PIK3C2A: variants seen among roughly 807,000 people sequenced by gnomAD.
The protein encoded by PIK3C2A is phosphatidylinositol 4-phosphate 3-kinase C2 domain-containing subunit alpha.
A neutral mutation model predicts 204.5 loss-of-function variants in PIK3C2A; 97 were observed. The observed-to-expected ratio is 0.47, with a 90% CI of 0.40 to 0.56. The LOEUF (loss-of-function observed/expected upper bound fraction) is 0.56. PIK3C2A is among the 20% of genes least tolerant of loss of function. The pLI, the probability that PIK3C2A is intolerant of heterozygous loss-of-function variation, is 0.00. For missense variants in PIK3C2A, 1,735 were observed against 1,969.2 expected (o/e 0.88, Z 2.25); for synonymous variants, 653 against 664.4 (o/e 0.98, Z 0.26).
chr11:17,140,267 AAAC>A (rs920871310), intron 8 of PIK3C2A, among the ~76,000 whole-genome samples: 28 of 152,130 alleles, frequency 1.8e-4, no homozygotes, highest in African/African-American at 6.8e-4. Flanking sequence ...AAGATAAAAT[AAAC>A]AACAATAAAA....
intron 2 of PIK3C2A, among the ~76,000 whole-genome samples, chr11:17,164,877 C>T (rs1183241895): frequency 6.6e-6 from 1 of 152,060 alleles, no homozygotes; most frequent in Admixed American, 6.6e-5. Flanking sequence ...CATTATTCCT[C>T]CAAGATACTT....
intron 1 of PIK3C2A, among the ~76,000 whole-genome samples, chr11:17,200,452 T>C (rs1005449283): frequency 7.2e-5 from 11 of 152,200 alleles, no homozygotes; most frequent in Non-Finnish European, 1.3e-4. Flanking sequence ...AGACATGTTA[T>C]TGAATCTCAA....
chr11:17,125,816 T>TA (rs909457282), intron 13 of PIK3C2A, among the ~76,000 whole-genome samples: 1 of 151,748 alleles, frequency 6.6e-6, no homozygotes, highest in African/African-American at 2.4e-5. Flanking sequence ...AGATTTTCTA[T>TA]AAAAAAAACT....
intron 14 of PIK3C2A, 84 bp from the exon 15 acceptor site, chr11:17,122,417 T>C (rs2137350224): frequency 1.2e-6 from 1 of 823,186 alleles, no homozygotes; most frequent in Middle Eastern, 3.7e-4. Flanking sequence ...AACAGATTTT[T>C]CTTAGCAATC....
chr11:17,095,558 T>C (rs1472672963), intron 27 of PIK3C2A, among the ~76,000 whole-genome samples: 2 of 150,826 alleles, frequency 1.3e-5, no homozygotes, highest in African/African-American at 4.9e-5. Context: ...ACCTCTGCAC[T>C]CCAGCCTGGG....
At chr11:17,112,101 G>A (rs1849022399) in intron 21 of PIK3C2A, among the ~76,000 whole-genome samples, 1 of 151,962 alleles carries the variant, frequency 6.6e-6, no homozygotes, top group Non-Finnish European at 1.5e-5. Flanking sequence ...CCAACTCATT[G>A]AATTAAACTA....
At chr11:17,195,749 A>AGAAAAGAAAAG in intron 1 of PIK3C2A, among the ~76,000 whole-genome samples, 1 of 148,952 alleles carries the variant, frequency 6.7e-6, no homozygotes, top group South Asian at 2.1e-4. Flanking sequence ...TTGCAAAAAA[A>AGAAAAGAAAAG]AAAAAAGGAG....
At chr11:17,126,743 A>G (rs1849539845) in intron 13 of PIK3C2A, among the ~76,000 whole-genome samples, 1 of 152,322 alleles carries the variant, frequency 6.6e-6, no homozygotes, top group African/African-American at 2.4e-5. Context: ...AGCTTAATAC[A>G]ATCTATTCAC....
chr11:17,106,620 T>C (rs1163526921), intron 22 of PIK3C2A, among the ~76,000 whole-genome samples: 1 of 152,146 alleles, frequency 6.6e-6, no homozygotes, highest in Non-Finnish European at 1.5e-5. Context: ...TTATTTATTT[T>C]TAGTTGAGAC....
intron 1 of PIK3C2A, among the ~76,000 whole-genome samples, chr11:17,176,584 T>A (rs565154877): frequency 6.9e-4 from 105 of 151,960 alleles, no homozygotes; most frequent in African/African-American, 2.4e-3. Context: ...AGGTCAAGAG[T>A]TCGAGACCAG....
chr11:17,122,452 A>T, intron 14 of PIK3C2A, 119 bp from the exon 15 acceptor site: 2 of 680,604 alleles, frequency 2.9e-6, no homozygotes, highest in South Asian at 3.7e-5. Context: ...TTGAATATTA[A>T]ATTAATGCTT....
At chr11:17,162,637 T>C in intron 2 of PIK3C2A, among the ~76,000 whole-genome samples, 1 of 152,176 alleles carries the variant, frequency 6.6e-6, no homozygotes, top group Non-Finnish European at 1.5e-5. Context: ...CATCAAGCCA[T>C]AACCAATTCA....
Position 17,089,618 on chromosome 11 carries a change from TC to T in PIK3C2A, c.*119del. ...AGTATATTTAACTTTATAAGTTCTG[TC>T]CAAGTATAAAAATACTATACAAAAT... is the stretch of plus-strand genomic sequence containing the variant. On this transcript the variant is annotated 3_prime_UTR_variant, in exon 33 of 33. Coordinates refer to ENST00000691414, the MANE Select transcript of PIK3C2A (RefSeq NM_002645.4). 1 of 632,014 alleles carries T rather than the reference TC, an allele frequency of 1.6e-6. No individual in the cohort carries two copies. The highest frequency in any genetic ancestry group is 2.4e-5 in the South Asian group (1 of 42,194). 39.2% of individuals were successfully genotyped at this position (632,014 alleles called of 1,614,324 possible).
chr11:17,113,948 C>T (rs981020681), intron 20 of PIK3C2A, among the ~76,000 whole-genome samples: 3 of 150,726 alleles, frequency 2.0e-5, no homozygotes, highest in Non-Finnish European at 2.9e-5. Flanking sequence ...GGCATGGTGG[C>T]GTGTGCCTGT....
At chr11:17,170,488 TAC>T (rs1851121411) in intron 1 of PIK3C2A, among the ~76,000 whole-genome samples, 1 of 152,230 alleles carries the variant, frequency 6.6e-6, no homozygotes, top group Admixed American at 6.5e-5. Context: ...TAGTTTTAAT[TAC>T]ATTTCTATTC....
intron 2 of PIK3C2A, among the ~76,000 whole-genome samples, chr11:17,162,676 T>C (rs1181676517): frequency 6.6e-6 from 1 of 152,234 alleles, no homozygotes; most frequent in Non-Finnish European, 1.5e-5. Context: ...TTCCATTTTC[T>C]GTACATCACT....
chr11:17,153,032 C>T (rs2137441434), intron 3 of PIK3C2A, among the ~76,000 whole-genome samples: 1 of 151,986 alleles, frequency 6.6e-6, no homozygotes, highest in East Asian at 1.9e-4. Flanking sequence ...TACTATATGA[C>T]CATAAAGCTA....
intron 1 of PIK3C2A, among the ~76,000 whole-genome samples, chr11:17,180,709 C>T (rs1391715849): frequency 1.3e-5 from 2 of 152,112 alleles, no homozygotes; most frequent in East Asian, 3.9e-4. Context: ...GTGATCCCAG[C>T]TACTCAGGAG....
chr11:17,147,923 T>C (rs1187579811), intron 5 of PIK3C2A, among the ~76,000 whole-genome samples: 1 of 152,114 alleles, frequency 6.6e-6, no homozygotes, highest in Non-Finnish European at 1.5e-5. Context: ...ATGCTAGATA[T>C]AATGAATTAC....
Sources: allele counts gnomAD v4.1 joint callset (sites outside exome capture counted in the v4.1 genomes callset), GRCh38; gene constraint gnomAD v4.1.1; transcripts MANE v1.5; gene names NCBI Gene and HGNC (gene_info 2026-07-23, HGNC 2026-07-21).